CLASP2: variants seen among roughly 807,000 people sequenced by gnomAD.
CLASP2 encodes CLIP-associating protein 2.
CLASP2 carries 47 observed loss-of-function variants against 194.4 expected under a neutral mutation model. That is an observed-to-expected ratio of 0.24 (90% confidence interval 0.19 to 0.31). CLASP2 has a LOEUF of 0.31. CLASP2 is among the 10% of genes least tolerant of loss of function. CLASP2 has a pLI of 1.00. For synonymous variants in CLASP2, 619 were observed against 633.5 expected, an observed-to-expected ratio of 0.98 and a Z score of 0.34; for missense variants, 1,445 against 1,823.6, an observed-to-expected ratio of 0.79 and a Z score of 3.78.
intron 1 of CLASP2, among the ~76,000 whole-genome samples, chr3:33,706,254 C>T (rs1411795492): frequency 2.0e-5 from 3 of 151,924 alleles, no homozygotes; most frequent in Non-Finnish European, 1.5e-5. Flanking sequence ...TCCCAAAAAA[C>T]ACACAAAAAA....
rs183505558 is a variant in CLASP2, at chr3:33,586,791, G to C, written c.2069-1871C>G. ...CAGTAAGAGGGCTGTATGATTATAT[G>C]TTATACAGTCTTACCCAATCAGGCT... On this transcript the variant is annotated intron_variant, in intron 21 of 38. Transcript: ENST00000682230. Among the ~76,000 whole-genome samples, 39 of 152,196 alleles carry C rather than the reference G, an allele frequency of 2.6e-4. 1 individual carries two copies. Among genetic ancestry groups the C allele is most frequent in the Admixed American group, 2.3e-3 (35 of 15,278 alleles).
At chr3:33,609,973 G>A (rs2074774758) in intron 13 of CLASP2, among the ~76,000 whole-genome samples, 1 of 152,168 alleles carries the variant, frequency 6.6e-6, no homozygotes, top group South Asian at 2.1e-4. Context: ...AGAACTCACA[G>A]TCTGAAGCAC....
chr3:33,547,251 T>G (rs1361637775), intron 30 of CLASP2, among the ~76,000 whole-genome samples: 1 of 152,182 alleles, frequency 6.6e-6, no homozygotes, highest in African/African-American at 2.4e-5. Context: ...CTTGTGGTAG[T>G]GAATAAGTCT....
chr3:33,620,557 A>G (rs969661292), intron 11 of CLASP2, among the ~76,000 whole-genome samples: 1 of 152,180 alleles, frequency 6.6e-6, no homozygotes, highest in African/African-American at 2.4e-5. Flanking sequence ...TAGTTTTCCA[A>G]TGTCTGAACT....
intron 34 of CLASP2, among the ~76,000 whole-genome samples, chr3:33,526,805 T>G (rs941458915): frequency 6.6e-6 from 1 of 151,976 alleles, no homozygotes; most frequent in East Asian, 1.9e-4. Context: ...ACAATAAAAA[T>G]AGAAGTCAAG....
chr3:33,548,253 C>G (rs2059455462), intron 30 of CLASP2, among the ~76,000 whole-genome samples: 1 of 151,958 alleles, frequency 6.6e-6, no homozygotes, highest in African/African-American at 2.4e-5. Flanking sequence ...CAAATACTTA[C>G]AGATTTTTAA....
At chr3:33,685,025 A>ATAAT (rs1262878063) in intron 5 of CLASP2, among the ~76,000 whole-genome samples, 2 of 143,402 alleles carry the variant, frequency 1.4e-5, no homozygotes, top group African/African-American at 5.2e-5. Flanking sequence ...AAATAAATAA[A>ATAAT]TAAATAATAA....
chr3:33,599,245 C>T (rs2071350155), intron 18 of CLASP2, among the ~76,000 whole-genome samples: 1 of 152,162 alleles, frequency 6.6e-6, no homozygotes, highest in Non-Finnish European at 1.5e-5. Flanking sequence ...TCACCTCAGC[C>T]TCCCTAGTAG....
intron 5 of CLASP2, among the ~76,000 whole-genome samples, chr3:33,685,063 C>T (rs1007762510): frequency 7.4e-6 from 1 of 134,786 alleles, no homozygotes; most frequent in African/African-American, 2.8e-5. Flanking sequence ...TTTGTAGGCC[C>T]GGCACGGTGG....
At chr3:33,573,695 A>C (rs983453216) in intron 24 of CLASP2, among the ~76,000 whole-genome samples, 2 of 152,202 alleles carry the variant, frequency 1.3e-5, no homozygotes, top group Non-Finnish European at 2.9e-5. Flanking sequence ...ATGAACAGAA[A>C]CTATACTAGA....
chr3:33,629,121 G>A (rs1209845811), intron 9 of CLASP2, among the ~76,000 whole-genome samples: 1 of 152,122 alleles, frequency 6.6e-6, no homozygotes, highest in East Asian at 1.9e-4. Context: ...GATGAAGTGA[G>A]TAACAAGTTA....
At chr3:33,503,582 C>A (rs907686595) in intron 37 of CLASP2, 2 of 152,042 alleles carry the variant, frequency 1.3e-5, no homozygotes, top group Non-Finnish European at 2.9e-5. Context: ...CGCCCGCCAC[C>A]ATGCCTGGCT....
intron 27 of CLASP2, among the ~76,000 whole-genome samples, chr3:33,565,128 C>T (rs2062463125): frequency 1.3e-5 from 2 of 152,088 alleles, no homozygotes; most frequent in South Asian, 2.1e-4. Flanking sequence ...GTGATCCATT[C>T]CACCTAACAA....
intron 15 of CLASP2, 60 bp downstream of exon 15, chr3:33,607,324 C>A: frequency 8.7e-7 from 1 of 1,150,172 alleles, no homozygotes; most frequent in East Asian, 2.6e-5. Context: ...TTTCATTCTC[C>A]TAATACATTT....
intron 33 of CLASP2, among the ~76,000 whole-genome samples, chr3:33,537,434 T>C (rs1559915633): frequency 6.6e-6 from 1 of 152,222 alleles, no homozygotes; most frequent in African/African-American, 2.4e-5. Flanking sequence ...AGCACTACAA[T>C]GTTCTGTAAC....
At chr3:33,576,887 T>C (rs557275411) in intron 23 of CLASP2, among the ~76,000 whole-genome samples, 22 of 151,094 alleles carry the variant, frequency 1.5e-4, no homozygotes, top group African/African-American at 5.3e-4. Context: ...ATTAAAACAC[T>C]TCATCCACCA....
At chr3:33,555,870 G>T (rs1269813537) in intron 29 of CLASP2, among the ~76,000 whole-genome samples, 1 of 152,102 alleles carries the variant, frequency 6.6e-6, no homozygotes, top group East Asian at 1.9e-4. Context: ...TTTTACAAGG[G>T]TTTCACAGAA....
intron 6 of CLASP2, among the ~76,000 whole-genome samples, chr3:33,664,687 C>G (rs551250219): frequency 6.6e-6 from 1 of 152,124 alleles, no homozygotes; most frequent in African/African-American, 2.4e-5. Context: ...TTCAAAGACA[C>G]AGGTCTCTTT....
intron 27 of CLASP2, among the ~76,000 whole-genome samples, chr3:33,562,767 C>T (rs1312281278): frequency 6.6e-6 from 1 of 152,124 alleles, no homozygotes; most frequent in Non-Finnish European, 1.5e-5. Context: ...ATTAGAATGC[C>T]TAGGTCAACC....
Sources: allele counts gnomAD v4.1 joint callset (sites outside exome capture counted in the v4.1 genomes callset), GRCh38; gene constraint gnomAD v4.1.1; transcripts MANE v1.5; gene names NCBI Gene and HGNC (gene_info 2026-07-23, HGNC 2026-07-21).